The following ABLIM1 variants were observed in gnomAD, a reference collection of about 807,000 sequenced individuals.
ABLIM1 encodes the protein actin binding LIM protein 1.
A neutral mutation model predicts 107.0 loss-of-function variants in ABLIM1; 40 were observed. That is an observed-to-expected ratio of 0.37 (90% confidence interval 0.29 to 0.49). The LOEUF (loss-of-function observed/expected upper bound fraction) is 0.49. Among genes scored for constraint, ABLIM1 ranks in the 20% least tolerant of loss-of-function variants. The probability of loss-of-function intolerance (pLI) is 0.97; values close to 1 mark genes in which losing one functional copy is unlikely to be tolerated. For synonymous variants in ABLIM1, 357 were observed against 357.3 expected, an observed-to-expected ratio of 1.00 and a Z score of 0.01; for missense variants, 857 against 1,008.5, an observed-to-expected ratio of 0.85 and a Z score of 2.04.
At chr10:114,554,235 C>T (rs1017076100) in intron 4 of ABLIM1, among the ~76,000 whole-genome samples, 1 of 152,168 alleles carries the variant, frequency 6.6e-6, no homozygotes, top group African/African-American at 2.4e-5. Context: ...CAAAGGAACC[C>T]TGAAGGACAG....
Position 114,439,995 on chromosome 10 carries a change from A to C in ABLIM1, c.2067+87T>G, listed in dbSNP as rs181975867. 2.2e-4 allele frequency: 345 copies of C among 1,604,646 alleles called. 1 individual carries two copies. The African/African-American group carries it at 3.9e-3, about 18-fold the overall frequency. ...CCACAACAAGCATCTTCTCAACAGA[A>C]ACTGTTGCCTTGGAGCCAGCAGTCT... On this transcript the variant is annotated intron_variant, in intron 20 of 22. Coordinates refer to ENST00000533213, the MANE Select transcript of ABLIM1 (RefSeq NM_002313.7).
In ABLIM1 at chr10:114,736,342, C is replaced by G. The variant is rs532387347; in HGVS notation, c.-213+31719G>C. 1.4e-3 allele frequency among the ~76,000 whole-genome samples: 219 copies of G among 152,216 alleles called. 1 individual carries two copies. The highest frequency in any genetic ancestry group is 2.1e-3 in the Non-Finnish European group (142 of 68,012). ...TAGTGACTTAATTTTCACTGCCATT[C>G]TTGGTTTGATTATCAAGCCAATCCA... is the stretch of plus-strand genomic sequence containing the variant. On this transcript the variant is annotated intron_variant, in intron 1 of 15. Coordinates refer to the ABLIM1 transcript ENST00000651092.
chr10:114,496,046 C>G (rs989700176), intron 6 of ABLIM1, among the ~76,000 whole-genome samples: 12 of 152,230 alleles, frequency 7.9e-5, no homozygotes, highest in Non-Finnish European at 1.5e-5. Flanking sequence ...TAACTCTCTG[C>G]TCAGAGACAG....
intron 1 of ABLIM1, among the ~76,000 whole-genome samples, chr10:114,728,592 C>CAAAAAAAAAAAAAAAAAAGAAAAAAAAA (rs11405856): frequency 8.0e-6 from 1 of 125,434 alleles, no homozygotes; most frequent in African/African-American, 3.0e-5. Context: ...AATGGAGAGC[C>CAAAAAAAAAAAAAAAAAAGAAAAAAAAA]AAAAAAAAAA....
chr10:114,781,187 C>T, the ABLIM1 span, among the ~76,000 whole-genome samples: 1 of 152,072 alleles, frequency 6.6e-6, no homozygotes, highest in African/African-American at 2.4e-5. Context: ...AGTGATGCTA[C>T]TCCCTAAATC....
intron 6 of ABLIM1, among the ~76,000 whole-genome samples, chr10:114,513,046 A>AT (rs1772585795): frequency 6.6e-6 from 1 of 151,514 alleles, no homozygotes; most frequent in Admixed American, 6.6e-5. Flanking sequence ...CTCTCCATCC[A>AT]TCCTCCTCCA....
chr10:114,492,330 A>T (rs913299905), intron 6 of ABLIM1, among the ~76,000 whole-genome samples: 5 of 152,166 alleles, frequency 3.3e-5, no homozygotes. Context: ...CCCCAATGGC[A>T]TCAAGGTGAG....
At chr10:114,460,489 T>C (rs190480135) in intron 12 of ABLIM1, among the ~76,000 whole-genome samples, 1 of 152,276 alleles carries the variant, frequency 6.6e-6, no homozygotes, top group Non-Finnish European at 1.5e-5. Context: ...TAATCCCAGC[T>C]ACTCAGGAGG....
intron 1 of ABLIM1, among the ~76,000 whole-genome samples, chr10:114,731,713 G>A (rs754343525): frequency 2.0e-5 from 3 of 151,806 alleles, no homozygotes; most frequent in Non-Finnish European, 4.4e-5. Flanking sequence ...AGGTTCAAGC[G>A]ATTCTCCTGC....
intron 14 of ABLIM1, among the ~76,000 whole-genome samples, chr10:114,450,744 A>G (rs1033546835): frequency 1.3e-5 from 2 of 152,076 alleles, no homozygotes; most frequent in African/African-American, 4.8e-5. Context: ...ACCTGGCCTC[A>G]TGTTATCCTA....
In ABLIM1 at chr10:114,460,328, C is replaced by T. The variant is rs11196748; in HGVS notation, c.1441+5370G>A. Among the ~76,000 whole-genome samples the T allele has an allele frequency of 4.9e-3, 732 of 149,076 alleles. 1 individual carries two copies. The highest frequency in any genetic ancestry group is 6.7e-3 in the Non-Finnish European group (453 of 67,986). ...ATCAAAAATGATTTAAGGTCGGGCG[C>T]GGTGGCTCACGCCTGTAATCCCAGC... On this transcript the variant is annotated intron_variant, in intron 12 of 22. Transcript: ENST00000533213.
At chr10:114,753,532 C>A (rs1000693268) in intron 1 of ABLIM1, among the ~76,000 whole-genome samples, 5 of 152,096 alleles carry the variant, frequency 3.3e-5, no homozygotes, top group African/African-American at 1.2e-4. Context: ...AAAACATGAG[C>A]AATGTCTGTA....
At chr10:114,650,745 G>C (rs548088499) in intron 1 of ABLIM1, among the ~76,000 whole-genome samples, 1 of 151,842 alleles carries the variant, frequency 6.6e-6, no homozygotes, top group Non-Finnish European at 1.5e-5. Flanking sequence ...AGCTCAAATC[G>C]CAAATCCTAC....
intron 5 of ABLIM1, 79 bp downstream of exon 5, chr10:114,547,571 C>A: frequency 6.3e-7 from 1 of 1,577,136 alleles, no homozygotes; most frequent in Non-Finnish European, 8.6e-7. Context: ...TGGGGTGGGG[C>A]CCCTGAGACC....
At chr10:114,603,032 C>T (rs1439868821) in intron 1 of ABLIM1, among the ~76,000 whole-genome samples, 1 of 152,152 alleles carries the variant, frequency 6.6e-6, no homozygotes, top group Non-Finnish European at 1.5e-5. Flanking sequence ...GAAGGAGGAA[C>T]ATGGTGATAT....
intron 1 of ABLIM1, among the ~76,000 whole-genome samples, chr10:114,706,719 A>G (rs1450386009): frequency 1.3e-5 from 2 of 152,228 alleles, no homozygotes; most frequent in Admixed American, 1.3e-4. Flanking sequence ...TTTCAGGGCA[A>G]TATTTTCCTA....
chr10:114,761,266 C>CAAA (rs60010820), intron 1 of ABLIM1, among the ~76,000 whole-genome samples: 5 of 146,182 alleles, frequency 3.4e-5, no homozygotes, highest in Admixed American at 6.8e-5. Context: ...AAGAAATCGG[C>CAAA]AAAAAAAAAA....
chr10:114,693,645 A>C (rs1206175359), intron 1 of ABLIM1, among the ~76,000 whole-genome samples: 4 of 149,880 alleles, frequency 2.7e-5, no homozygotes, highest in Non-Finnish European at 5.9e-5. Context: ...CTTTCTTTTT[A>C]TTTCTTTTTT....
chr10:114,544,875 C>T (rs2067120448), intron 6 of ABLIM1, 130 bp downstream of exon 6: 3 of 818,966 alleles, frequency 3.7e-6, no homozygotes, highest in South Asian at 1.5e-5. Context: ...AAAATAGTCA[C>T]CTGCGACTAC....
Sources: allele counts gnomAD v4.1 joint callset (sites outside exome capture counted in the v4.1 genomes callset), GRCh38; gene constraint gnomAD v4.1.1; transcripts MANE v1.5; gene names NCBI Gene and HGNC (gene_info 2026-07-23, HGNC 2026-07-21).